Variants in TTC36 observed in about 807,000 individuals in gnomAD.
The protein encoded by TTC36 is tetratricopeptide repeat domain 36, also known as tetratricopeptide repeat protein 36.
A neutral mutation model predicts 17.5 loss-of-function variants in TTC36; 15 were observed. The ratio of observed to expected loss-of-function variants is 0.86; its 90% CI spans 0.57 to 1.32. The LOEUF (loss-of-function observed/expected upper bound fraction) is 1.32. Among genes scored for constraint, TTC36 ranks in the 40% most tolerant of loss-of-function variants. The pLI, the probability that TTC36 is intolerant of heterozygous loss-of-function variation, is 0.00. For synonymous variants in TTC36, 112 were observed against 109.8 expected (o/e 1.02, Z -0.13); for missense variants, 292 against 260.9 (o/e 1.12, Z -0.82).
At chr11:118,529,427 G>A (rs544456757) in intron 2 of TTC36, among the ~76,000 whole-genome samples, 3 of 152,224 alleles carry the variant, frequency 2.0e-5, no homozygotes, top group African/African-American at 7.2e-5. Flanking sequence ...GGCGAGTTTT[G>A]AAGGATGAGT....
chr11:118,527,504 C>CCA lies in TTC36; in HGVS notation c.11_12dup (p.Asn5GlnfsTer56). On this transcript the variant is annotated frameshift_variant, in exon 1 of 3. Transcript: ENST00000302783. LOFTEE classifies it high-confidence loss of function. Reference sequence around the variant, plus strand: ...TTTGGAGTTGAGCACCATGGGGACTCCAAATGATCAGGCAGTGCTGCAGGC... The same window carrying CCA: ...TTTGGAGTTGAGCACCATGGGGACTCCACAAATGATCAGGCAGTGCTGCAGGC... The CCA allele has an allele frequency of 6.2e-7, 1 of 1,613,982 alleles. No homozygotes were observed. The highest frequency in any genetic ancestry group is 1.1e-5 in the South Asian group (1 of 91,070).
In TTC36 at chr11:118,530,759, G is replaced by A; in HGVS notation, c.413G>A (p.Arg138Gln). 3.3e-6 allele frequency: 5 copies of A among 1,506,870 alleles called. No homozygotes were observed. The highest frequency in any genetic ancestry group is 2.9e-5 in the African/African-American group (2 of 69,084). The allele number at this position is 1,506,870 out of a possible 1,614,324, so 93.3% of individuals were successfully genotyped here. The change falls in exon 3 of 3, where the codon CGA (arginine) becomes CAA (glutamine). Residue 138 changes from arginine to glutamine, a missense_variant. Transcript: ENST00000302783. This position sits in a 1 kb window ranked among gnomAD's most constrained non-coding sequence, Gnocchi z 5.8. ...QRGLLARLQGRDDDARRDFER... is the reference protein window; with the variant it reads ...QRGLLARLQGQDDDARRDFER... The stretch of plus-strand genomic sequence containing the variant: ...GGACTCCTGGCGCGGCTGCAGGGCC[G>A]AGACGACGACGCCCGCAGGGACTTC...
chr11:118,527,570 T>C lies in TTC36; in HGVS notation c.76T>C (p.Leu26=). Residue 26 remains leucine, a synonymous_variant, in exon 1 of 3, where the codon TTG becomes CTG. Transcript: ENST00000302783. ...PDTPFGDIVG[L]DLGEEAEKEE... is the part of the protein sequence containing the mutation. ...CACCCCATTTGGAGACATTGTTGGATTGGACCTCGGAGAGGAAGCAGAAAA... is the reference window on the plus strand; with the variant it reads ...CACCCCATTTGGAGACATTGTTGGACTGGACCTCGGAGAGGAAGCAGAAAA... 4 of 1,614,130 alleles carry C rather than the reference T, an allele frequency of 2.5e-6. No individual in the cohort carries two copies. Among genetic ancestry groups the C allele is most frequent in the Non-Finnish European group, 3.4e-6 (4 of 1,180,010 alleles).
intron 2 of TTC36, among the ~76,000 whole-genome samples, chr11:118,528,998 AAC>A (rs1951142143): frequency 6.6e-6 from 1 of 152,226 alleles, no homozygotes; most frequent in African/African-American, 2.4e-5. Context: ...TTGATTAAGG[AAC>A]AGTTAATGAG....
chr11:118,528,647 G>C lies in TTC36; in HGVS notation c.163G>C (p.Glu55Gln), dbSNP rs781863836. 1.9e-6 allele frequency: 3 copies of C among 1,610,098 alleles called. No homozygotes were observed. The South Asian group carries it at 3.3e-5, about 18-fold the overall frequency. ...QAQLEQSKAL[E>Q]LQGVMAAEAG... ...ACAGCTGGAACAGTCCAAGGCCCTG[G>C]AGCTGCAGGGGGTGATGGCAGCAGA... is the stretch of plus-strand genomic sequence containing the variant. The change falls in exon 2 of 3, where the codon GAG (glutamate) becomes CAG (glutamine). Residue 55 changes from glutamate (E) to glutamine (Q), a missense_variant. Transcript: ENST00000302783.
Position 118,530,776 on chromosome 11 carries a change from A to G in TTC36, c.430A>G (p.Arg144Gly). 1 of 1,508,600 alleles carries G rather than the reference A, an allele frequency of 6.6e-7. No individual in the cohort carries two copies. Among genetic ancestry groups the G allele is most frequent in the Non-Finnish European group, 8.8e-7 (1 of 1,137,866 alleles). 93.5% of individuals were successfully genotyped at this position (1,508,600 alleles called of 1,614,324 possible). The stretch of plus-strand genomic sequence containing the variant: ...GCAGGGCCGAGACGACGACGCCCGC[A>G]GGGACTTCGAGAGGGCGGCACGGCT... ...RLQGRDDDAR[R>G]DFERAARLGS... Residue 144 changes from arginine (R) to glycine (G), a missense_variant, in exon 3 of 3, where the codon AGG becomes GGG. By Grantham distance (125) the Arg-to-Gly change is moderately radical. Coordinates refer to ENST00000302783, the MANE Select transcript of TTC36 (RefSeq NM_001080441.4). The surrounding 1 kb of genome is among the most constrained non-coding windows in gnomAD (Gnocchi z 5.8).
At chr11:118,528,889 C>G (rs1428509498) in intron 2 of TTC36, 98 bp downstream of exon 2, 1 of 1,079,230 alleles carries the variant, frequency 9.3e-7, no homozygotes, top group East Asian at 2.7e-5. Flanking sequence ...TTGCTAAACC[C>G]CTGTGGAGCC....
chr11:118,528,059 G>T (rs1261510947), intron 1 of TTC36: 5 of 444,454 alleles, frequency 1.1e-5, no homozygotes, highest in Middle Eastern at 3.3e-4. Flanking sequence ...CTTCCGCAGT[G>T]AGTGCGTTCA....
rs1460760842 is a variant in TTC36 at position 118,530,830 on chromosome 11, G to C, written c.484G>C (p.Val162Leu). Residue 162 changes from valine to leucine, a missense_variant, in exon 3 of 3, where the codon GTG (valine) becomes CTG (leucine). Physicochemically the swap from Val to Leu is conservative, Grantham distance 32. Transcript: ENST00000302783. The surrounding 1 kb of genome is among the most constrained non-coding windows in gnomAD (Gnocchi z 5.8). ...LGSPFARRQL[V>L]LLNPYAALCN... ...CAGCCCCTTCGCGCGGCGCCAGCTG[G>C]TGCTGCTCAACCCCTACGCCGCGCT... 1 of 1,507,892 alleles carries C rather than the reference G, an allele frequency of 6.6e-7. No individual in the cohort carries two copies. Among genetic ancestry groups the C allele is most frequent in the African/African-American group, 1.4e-5 (1 of 69,128 alleles). 93.4% of individuals were successfully genotyped at this position (1,507,892 alleles called of 1,614,324 possible). A position where few individuals can be genotyped will look rare whatever the true frequency, so the allele number is the denominator to read the frequency against.
rs1555057538 is a variant in TTC36 at position 118,530,897 on chromosome 11, GC to G, written c.556del (p.Arg186ValfsTer24). On this transcript the variant is annotated frameshift_variant, in exon 3 of 3. Transcript: ENST00000302783. LOFTEE classifies it high-confidence loss of function. This position sits in a 1 kb window ranked among gnomAD's most constrained non-coding sequence, Gnocchi z 5.8. ...MLADMMGQLR[R>X]PRDSR ...GCCGACATGATGGGGCAGCTGCGCC[GC>G]CCCCGTGACAGCCGCTGAGCGCCGC... 2 of 1,503,566 alleles carry G rather than the reference GC, an allele frequency of 1.3e-6. No individual in the cohort carries two copies. Among genetic ancestry groups the G allele is most frequent in the South Asian group, 1.2e-5 (1 of 81,450 alleles). 93.1% of individuals were successfully genotyped at this position (1,503,566 alleles called of 1,614,324 possible). A position where few individuals can be genotyped will look rare whatever the true frequency, so the allele number is the denominator to read the frequency against.
Position 118,528,570 on chromosome 11 carries a change from A to C in TTC36, c.119-33A>C, listed in dbSNP as rs1951129552. 5 of 1,522,846 alleles carry C rather than the reference A, an allele frequency of 3.3e-6. No individual in the cohort carries two copies. The African/African-American group carries it at 4.2e-5, about 13-fold the overall frequency. The allele number at this position is 1,522,846 out of a possible 1,614,324, so 94.3% of individuals were successfully genotyped here. A position where few individuals can be genotyped will look rare whatever the true frequency, so the allele number is the denominator to read the frequency against. ...TTTTTCTTCTTGCTACCAACTGCACACCTGGCTTCTCCTGGCTCCTTCCCT... is the reference window on the plus strand; with the variant it reads ...TTTTTCTTCTTGCTACCAACTGCACCCCTGGCTTCTCCTGGCTCCTTCCCT... On this transcript the variant is annotated intron_variant, in intron 1 of 2. Coordinates refer to ENST00000302783, the MANE Select transcript of TTC36 (RefSeq NM_001080441.4).
At chr11:118,529,561 T>G (rs1951161329) in intron 2 of TTC36, among the ~76,000 whole-genome samples, 2 of 152,148 alleles carry the variant, frequency 1.3e-5, no homozygotes, top group South Asian at 4.1e-4. Flanking sequence ...GAGGCTAATG[T>G]GAAGGTATAA....
chr11:118,527,667 C>A, intron 1 of TTC36, 55 bp downstream of exon 1: 3 of 1,304,210 alleles, frequency 2.3e-6, no homozygotes, highest in Non-Finnish European at 3.3e-6. Flanking sequence ...GCTGGCCTCC[C>A]GAGGTAGCAG....
rs1951185582 is a variant in TTC36 at position 118,530,254 on chromosome 11, C to T, written c.308-400C>T. ...CTGACATTCAGAGTCAGTCACCTGG[C>T]ACATAGTGGATGCTTAATAACAGGT... On this transcript the variant is annotated intron_variant, in intron 2 of 2. Coordinates refer to ENST00000302783, the MANE Select transcript of TTC36 (RefSeq NM_001080441.4). This position sits in a 1 kb window ranked among gnomAD's most constrained non-coding sequence, Gnocchi z 5.8. 6.6e-6 allele frequency among the ~76,000 whole-genome samples: 1 copy of T among 152,252 alleles called. No homozygotes were observed.
At chr11:118,527,700 C>A in intron 1 of TTC36, 88 bp downstream of exon 1, 1 of 892,558 alleles carries the variant, frequency 1.1e-6, no homozygotes, top group Non-Finnish European at 1.9e-6. Context: ...TTTTATAAGG[C>A]CCCTTGTTCC....
In TTC36 at chr11:118,530,612, C is replaced by T; in HGVS notation, c.308-42C>T. 1 of 1,380,970 alleles carries T rather than the reference C, an allele frequency of 7.2e-7. No individual in the cohort carries two copies. The highest frequency in any genetic ancestry group is 9.3e-7 in the Non-Finnish European group (1 of 1,079,796). 85.5% of individuals were successfully genotyped at this position (1,380,970 alleles called of 1,614,324 possible). A position where few individuals can be genotyped will look rare whatever the true frequency, so the allele number is the denominator to read the frequency against. ...TGGGGCTCGGGCAAGGCCGCCCTGG[C>T]CTCCGCTGACCCCCGCCCCGCCCGT... On this transcript the variant is annotated intron_variant, in intron 2 of 2. Transcript: ENST00000302783. This position sits in a 1 kb window ranked among gnomAD's most constrained non-coding sequence, Gnocchi z 5.8.
At position 118,530,072 on chromosome 11, in the gene TTC36, T is replaced by C. The variant is rs144932732; in HGVS notation, c.308-582T>C. 5.5e-3 allele frequency among the ~76,000 whole-genome samples: 837 copies of C among 152,122 alleles called. 6 individuals are homozygous for C. Among genetic ancestry groups the C allele is most frequent in the African/African-American group, 0.019 (804 of 41,500 alleles). ...TAGATACATGGAGATAACCAAAGAA[T>C]GATGAAAGGCAATCAGTCCAGGATA... On this transcript the variant is annotated intron_variant, in intron 2 of 2. Coordinates refer to ENST00000302783, the MANE Select transcript of TTC36 (RefSeq NM_001080441.4). The surrounding 1 kb of genome is among the most constrained non-coding windows in gnomAD (Gnocchi z 5.8).
In TTC36 at chr11:118,528,778, G is replaced by C. The variant is rs1018544448; in HGVS notation, c.294G>C (p.Gln98His). Reference sequence around the variant, plus strand: ...ACCGTGCCCAGGCCCGGCGACTCCAGGGAGACGTGGCAGGTAAGGGGAGAT... The same window carrying C: ...ACCGTGCCCAGGCCCGGCGACTCCACGGAGACGTGGCAGGTAAGGGGAGAT... ...YNNRAQARRL[Q>H]GDVAGALEDL... Residue 98 changes from glutamine (Q) to histidine (H), a missense_variant, in exon 2 of 3, where the codon CAG becomes CAC. By Grantham distance (24) the Gln-to-His change is conservative. Transcript: ENST00000302783. 4.4e-6 allele frequency: 7 copies of C among 1,608,544 alleles called. No homozygotes were observed. Among genetic ancestry groups the C allele is most frequent in the East Asian group, 2.2e-5 (1 of 44,836 alleles).
intron 2 of TTC36, among the ~76,000 whole-genome samples, chr11:118,529,177 C>A (rs1036714185): frequency 6.6e-6 from 1 of 152,148 alleles, no homozygotes; most frequent in Non-Finnish European, 1.5e-5. Flanking sequence ...TATTGTTATC[C>A]CCAGTTTATA....
Sources: allele counts gnomAD v4.1 joint callset (sites outside exome capture counted in the v4.1 genomes callset), GRCh38; gene constraint gnomAD v4.1.1; non-coding constraint Gnocchi (gnomAD v3.1); transcripts MANE v1.5; gene names NCBI Gene and HGNC (gene_info 2026-07-23, HGNC 2026-07-21).